Variants in SESN1 observed in about 807,000 individuals in gnomAD.
The protein encoded by SESN1 is sestrin 1.
SESN1 carries 30 observed loss-of-function variants against 59.3 expected under a neutral mutation model. The ratio of observed to expected loss-of-function variants is 0.51; its 90% CI spans 0.38 to 0.69. The LOEUF (loss-of-function observed/expected upper bound fraction) is 0.69, where lower values mean the gene tolerates loss of function less well. SESN1 is among the 30% of genes least tolerant of loss of function. The pLI, the probability that SESN1 is intolerant of heterozygous loss-of-function variation, is 0.00. For synonymous variants in SESN1, 197 were observed against 219.9 expected, an observed-to-expected ratio of 0.90 and a Z score of 0.92; for missense variants, 566 against 673.0, an observed-to-expected ratio of 0.84 and a Z score of 1.76.
At chr6:109,087,805 T>G (rs764374736) in intron 1 of SESN1, among the ~76,000 whole-genome samples, 18 of 152,206 alleles carry the variant, frequency 1.2e-4, no homozygotes, top group Non-Finnish European at 2.2e-4. Flanking sequence ...TTAAGTATGC[T>G]TCTAATCTAA....
rs368711688 is a variant in SESN1, at chr6:109,000,659, A to C, written c.561T>G (p.His187Gln). 1.3e-6 allele frequency: 2 copies of C among 1,594,950 alleles called. No homozygotes were observed. The highest frequency in any genetic ancestry group is 2.7e-5 in the African/African-American group (2 of 74,376). Residue 187 changes from histidine to glutamine, a missense_variant, in exon 4 of 10, where the codon CAT (histidine) becomes CAG (glutamine). Physicochemically the swap from His to Gln is conservative, Grantham distance 24. Coordinates refer to ENST00000436639, the MANE Select transcript of SESN1 (RefSeq NM_014454.3). ...GCAGGTTCACTAAGTAGGAGCACTG[A>C]TGTCTTGCCGCAGCCTTAAAACAAA... The part of the protein sequence containing the change: ...HYIGIMAAAR[H>Q]QCSYLVNLHV...
chr6:109,056,318 A>G (rs1181598202), intron 1 of SESN1, among the ~76,000 whole-genome samples: 1 of 152,064 alleles, frequency 6.6e-6, no homozygotes, highest in Non-Finnish European at 1.5e-5. Context: ...ACAGGAGGAT[A>G]ACCTGTGCCT....
chr6:109,061,123 ACTTT>A, intron 1 of SESN1, among the ~76,000 whole-genome samples: 1 of 152,200 alleles, frequency 6.6e-6, no homozygotes, highest in Non-Finnish European at 1.5e-5. Flanking sequence ...TGTATATCTG[ACTTT>A]AAAATGTACA....
rs769392905 is a variant in SESN1 at position 108,992,887 on chromosome 6, A to G, written c.1133T>C (p.Val378Ala). 1.2e-6 allele frequency: 2 copies of G among 1,609,200 alleles called. No individual in the cohort carries two copies. Among genetic ancestry groups the G allele is most frequent in the South Asian group, 1.1e-5 (1 of 90,294 alleles). Residue 378 changes from valine (V) to alanine (A), a missense_variant, in exon 7 of 10, where the codon GTT becomes GCT. Val to Ala is a moderately conservative substitution (Grantham distance 64). Coordinates refer to ENST00000436639, the MANE Select transcript of SESN1 (RefSeq NM_014454.3). The stretch of plus-strand genomic sequence containing the variant: ...ACGAGATACAGCTCTTGCTGGTGTA[A>G]CTTCTTCATCATCTGGGAAAAAAGG... ...MFVFSSDDEE[V>A]TPARAVSRHF...
intron 1 of SESN1, among the ~76,000 whole-genome samples, chr6:109,012,228 T>C (rs1779870656): frequency 6.6e-6 from 1 of 152,044 alleles, no homozygotes; most frequent in South Asian, 2.1e-4. Context: ...TATTTAAACA[T>C]TTAATTTTGA....
chr6:109,071,349 G>A (rs1172923597), intron 1 of SESN1, among the ~76,000 whole-genome samples: 1 of 147,424 alleles, frequency 6.8e-6, no homozygotes, highest in African/African-American at 2.5e-5. Context: ...GATAGTTTTT[G>A]TTTCTTTTTT....
At chr6:109,090,453 G>A (rs1187326044) in intron 1 of SESN1, 1 of 152,108 alleles carries the variant, frequency 6.6e-6, no homozygotes, top group East Asian at 1.9e-4. Context: ...CTGTTGACTG[G>A]AAACCTTACT....
At chr6:108,989,095 T>C (rs1055023336) in intron 8 of SESN1, among the ~76,000 whole-genome samples, 4 of 152,160 alleles carry the variant, frequency 2.6e-5, no homozygotes, top group African/African-American at 7.2e-5. Flanking sequence ...CTCTGCTTCC[T>C]GGGTTCAAGC....
intron 1 of SESN1, among the ~76,000 whole-genome samples, chr6:109,060,385 C>G (rs544005368): frequency 6.6e-6 from 1 of 152,284 alleles, no homozygotes; most frequent in Middle Eastern, 3.4e-3. Flanking sequence ...TTTACAATTT[C>G]TAATTGGGAG....
intron 1 of SESN1, among the ~76,000 whole-genome samples, chr6:109,078,492 T>C (rs999514909): frequency 1.3e-5 from 2 of 152,216 alleles, no homozygotes; most frequent in Non-Finnish European, 2.9e-5. Flanking sequence ...AATACATTTA[T>C]ATCATAAATA....
At chr6:108,994,382 G>T in intron 6 of SESN1, 80 bp downstream of exon 6, 2 of 1,170,920 alleles carry the variant, frequency 1.7e-6, no homozygotes, top group East Asian at 2.4e-5. Context: ...TTAGATTGAT[G>T]CTTTAAAAGT....
chr6:109,084,229 C>T (rs966751593), intron 1 of SESN1, among the ~76,000 whole-genome samples: 3 of 152,086 alleles, frequency 2.0e-5, no homozygotes, highest in African/African-American at 7.2e-5. Context: ...CCACAAAGCT[C>T]ATGTCATAAA....
At chr6:109,071,239 G>C (rs115188084) in intron 1 of SESN1, among the ~76,000 whole-genome samples, 3 of 152,172 alleles carry the variant, frequency 2.0e-5, no homozygotes, top group Admixed American at 1.3e-4. Context: ...AGTAAATAAC[G>C]AGTTCAGGTC....
chr6:109,004,034 A>C (rs528749681), intron 1 of SESN1, among the ~76,000 whole-genome samples: 7 of 152,194 alleles, frequency 4.6e-5, no homozygotes, highest in Non-Finnish European at 5.9e-5. Context: ...TGTCATTTCA[A>C]ATGGGGGAAA....
intron 1 of SESN1, among the ~76,000 whole-genome samples, chr6:109,038,679 T>A (rs926081585): frequency 1.3e-5 from 2 of 152,252 alleles, no homozygotes; most frequent in African/African-American, 4.8e-5. Context: ...GAATTGCCTA[T>A]GCAATTTATA....
At chr6:109,036,718 A>C (rs1163980482) in intron 1 of SESN1, among the ~76,000 whole-genome samples, 1 of 152,166 alleles carries the variant, frequency 6.6e-6, no homozygotes, top group East Asian at 1.9e-4. Context: ...TAAGCTAAAT[A>C]CCTGGAGGAA....
At chr6:109,036,613 TGATATGA>T (rs1780252184) in intron 1 of SESN1, among the ~76,000 whole-genome samples, 1 of 152,196 alleles carries the variant, frequency 6.6e-6, no homozygotes, top group South Asian at 2.1e-4. Flanking sequence ...CACTATAATA[TGATATGA>T]TAAAAAAAAT....
At chr6:109,046,336 T>C (rs9717763) in intron 1 of SESN1, among the ~76,000 whole-genome samples, 2 of 151,738 alleles carry the variant, frequency 1.3e-5, no homozygotes, top group South Asian at 2.1e-4. Context: ...CCGCCAGCCT[T>C]GGCCTCCCGA....
intron 1 of SESN1, among the ~76,000 whole-genome samples, chr6:109,070,274 A>T (rs965735535): frequency 6.6e-6 from 1 of 152,208 alleles, no homozygotes; most frequent in Non-Finnish European, 1.5e-5. Flanking sequence ...GGACTAGGGC[A>T]TGTGCCCACC....
Sources: allele counts gnomAD v4.1 joint callset (sites outside exome capture counted in the v4.1 genomes callset), GRCh38; gene constraint gnomAD v4.1.1; transcripts MANE v1.5; gene names NCBI Gene and HGNC (gene_info 2026-07-23, HGNC 2026-07-21).